The following DIAPH1 variants were observed in gnomAD, a reference collection of about 807,000 sequenced individuals.
DIAPH1 encodes the protein diaphanous related formin 1.
In DIAPH1, 46 loss-of-function variants were observed where a neutral mutation model predicts 140.7. That is an observed-to-expected ratio of 0.33 (90% CI 0.26 to 0.42). The LOEUF is 0.42. Ranked by LOEUF, DIAPH1 falls within the 10% of genes least tolerant of loss-of-function variation. The pLI is 1.00. For missense variants in DIAPH1, 1,310 were observed against 1,558.7 expected, an observed-to-expected ratio of 0.84 and a Z score of 2.69; for synonymous variants, 565 against 551.6, an observed-to-expected ratio of 1.02 and a Z score of -0.34.
chr5:141,523,661 A>G (rs1315152976), intron 27 of DIAPH1, among the ~76,000 whole-genome samples: 2 of 151,724 alleles, frequency 1.3e-5, no homozygotes, highest in Non-Finnish European at 2.9e-5. Flanking sequence ...ATATTTTTCT[A>G]TCTGGGAATA....
chr5:141,547,422 G>A (rs904308051), intron 18 of DIAPH1, among the ~76,000 whole-genome samples: 4 of 151,908 alleles, frequency 2.6e-5, no homozygotes, highest in East Asian at 1.9e-4. Context: ...CCAAGATCGC[G>A]GCACTGCACT....
At chr5:141,597,342 G>A (rs1299749834) in intron 1 of DIAPH1, among the ~76,000 whole-genome samples, 1 of 152,256 alleles carries the variant, frequency 6.6e-6, no homozygotes, top group African/African-American at 2.4e-5. Context: ...CAACAGCTGG[G>A]TGGCAATGGA....
rs2099885529 is a variant in DIAPH1, at chr5:141,515,363, G to C, written c.*1488C>G. ...CTCCTGGCAATAAGGCCTCACTATA[G>C]TTGCCCTCATGCTTCCTAAGCTCTC... On this transcript the variant is annotated 3_prime_UTR_variant, in exon 28 of 28. Transcript: ENST00000389054. 6.6e-6 allele frequency: 1 copy of C among 152,254 alleles called. No homozygotes were observed. The highest frequency in any genetic ancestry group is 2.1e-4 in the South Asian group (1 of 4,834). The allele number at this position is 152,254 out of a possible 1,614,324, so 9.4% of individuals were successfully genotyped here.
chr5:141,617,960 T>C (rs972621821), intron 1 of DIAPH1, among the ~76,000 whole-genome samples: 4 of 152,220 alleles, frequency 2.6e-5, no homozygotes, highest in African/African-American at 9.6e-5. Flanking sequence ...ACGGTTATCA[T>C]GGGAAATGTA....
chr5:141,575,520 G>A (rs1420115512), intron 14 of DIAPH1, among the ~76,000 whole-genome samples: 1 of 151,996 alleles, frequency 6.6e-6, no homozygotes, highest in Non-Finnish European at 1.5e-5. Flanking sequence ...ATGGTGGTGG[G>A]CACCTGTAAT....
In DIAPH1 at chr5:141,516,912, T is replaced by C. The variant is rs748341361; in HGVS notation, c.3758A>G (p.Asn1253Ser). The C allele has an allele frequency of 5.6e-6, 9 of 1,614,116 alleles. No homozygotes were observed. The African/African-American group carries it at 1.2e-4, about 22-fold the overall frequency. Residue 1253 changes from asparagine to serine, a missense_variant, in exon 28 of 28, where the codon AAC (asparagine) becomes AGC (serine). This residue lies in a region of DIAPH1 where 344 missense variants were observed against 512.2 expected (regional missense o/e 0.67). Coordinates refer to ENST00000389054, the MANE Select transcript of DIAPH1 (RefSeq NM_005219.5). Reference sequence around the variant, plus strand: ...AAGGATTGTGGGGAATGTCTCACTGTTCTTGGACACCTTGGCAGGAACAGC... The same window carrying C: ...AAGGATTGTGGGGAATGTCTCACTGCTCTTGGACACCTTGGCAGGAACAGC... ...MAAVPAKVSK[N>S]SETFPTILEE...
intron 1 of DIAPH1, among the ~76,000 whole-genome samples, chr5:141,589,939 C>T (rs1259777045): frequency 1.3e-5 from 2 of 151,404 alleles, no homozygotes; most frequent in East Asian, 1.9e-4. Context: ...TTTAAAGAGA[C>T]GGGGTCTCCC....
chr5:141,587,256 C>T (rs373244308), intron 2 of DIAPH1, 59 bp from the exon 3 acceptor site: 3 of 1,578,488 alleles, frequency 1.9e-6, no homozygotes, highest in East Asian at 2.3e-5. Context: ...ACAAGCCACA[C>T]ATCAAATTCT....
intron 1 of DIAPH1, among the ~76,000 whole-genome samples, chr5:141,611,618 AAAGG>A (rs937455704): frequency 1.3e-5 from 2 of 152,208 alleles, no homozygotes. Flanking sequence ...CAAAAGACAG[AAAGG>A]AAGGAAGGAA....
intron 1 of DIAPH1, among the ~76,000 whole-genome samples, chr5:141,595,370 G>A (rs750243045): frequency 9.2e-5 from 14 of 152,168 alleles, no homozygotes; most frequent in Non-Finnish European, 1.8e-4. Flanking sequence ...AATGTACCAC[G>A]CTAGTGGGGG....
chr5:141,525,700 G>A (rs1183243783), intron 26 of DIAPH1, among the ~76,000 whole-genome samples: 1 of 152,116 alleles, frequency 6.6e-6, no homozygotes, highest in African/African-American at 2.4e-5. Context: ...AAAAAAACCC[G>A]AAAGATTTAG....
In DIAPH1 at chr5:141,580,827, G is replaced by A; in HGVS notation, c.741C>T (p.Ala247=). 6.2e-7 allele frequency: 1 copy of A among 1,614,170 alleles called. No individual in the cohort carries two copies. The highest frequency in any genetic ancestry group is 8.5e-7 in the Non-Finnish European group (1 of 1,180,014). The change falls in exon 8 of 28, where the codon GCC becomes GCT. Residue 247 remains alanine, a synonymous_variant. Coordinates refer to ENST00000389054, the MANE Select transcript of DIAPH1 (RefSeq NM_005219.5). ...TEEGILLLVR[A]MDPAVPNMMI... is the part of the protein sequence containing the mutation. ...TCATGTTGGGAACAGCAGGATCCAT[G>A]GCTCTGACCAGCAGTAGGATTCCTT... is the stretch of plus-strand genomic sequence containing the variant.
chr5:141,591,023 G>A (rs924287407), intron 1 of DIAPH1, among the ~76,000 whole-genome samples: 9 of 151,996 alleles, frequency 5.9e-5, no homozygotes, highest in African/African-American at 2.2e-4. Context: ...ATAACTCTCC[G>A]CTGCCCTATG....
intron 18 of DIAPH1, among the ~76,000 whole-genome samples, chr5:141,553,213 AC>A (rs1158350585): frequency 1.3e-5 from 2 of 151,828 alleles, no homozygotes; most frequent in Non-Finnish European, 2.9e-5. Flanking sequence ...AATTGCTTGA[AC>A]CCAGGAGGTG....
chr5:141,573,996 T>TGGAGGAGGAGGAGGAGGAGGAGGA lies in DIAPH1; in HGVS notation c.1830_1853dup (p.Pro613_Pro620dup). ...TGCAAACACCCCCAGGCAAAGGAGGTGGAGGAGGAGGAGGAGGAGGAGGAG... is the reference window on the plus strand; with the variant it reads ...TGCAAACACCCCCAGGCAAAGGAGGTGGAGGAGGAGGAGGAGGAGGAGGAGGAGGAGGAGGAGGAGGAGGAGGAG... On this transcript the variant is annotated inframe_insertion, in exon 16 of 28. Coordinates refer to ENST00000389054, the MANE Select transcript of DIAPH1 (RefSeq NM_005219.5). 2 of 1,511,490 alleles carry TGGAGGAGGAGGAGGAGGAGGAGGA rather than the reference T, an allele frequency of 1.3e-6. No individual in the cohort carries two copies. The highest frequency in any genetic ancestry group is 1.8e-6 in the Non-Finnish European group (2 of 1,130,568). The allele number at this position is 1,511,490 out of a possible 1,614,324, so 93.6% of individuals were successfully genotyped here. A position where few individuals can be genotyped will look rare whatever the true frequency, so the allele number is the denominator to read the frequency against.
chr5:141,587,336 G>A (rs2099897693), intron 2 of DIAPH1, 139 bp from the exon 3 acceptor site: 3 of 813,616 alleles, frequency 3.7e-6, no homozygotes, highest in South Asian at 3.0e-5. Flanking sequence ...CTTCTGACAT[G>A]AAAAGAAGAA....
At chr5:141,521,162 C>T (rs1189987492) in intron 27 of DIAPH1, among the ~76,000 whole-genome samples, 2 of 152,182 alleles carry the variant, frequency 1.3e-5, no homozygotes, top group Admixed American at 6.5e-5. Flanking sequence ...ATACTAATCA[C>T]TGGAAGTCTT....
chr5:141,543,365 G>A (rs966786676), intron 18 of DIAPH1, among the ~76,000 whole-genome samples: 7 of 152,192 alleles, frequency 4.6e-5, no homozygotes, highest in African/African-American at 7.2e-5. Context: ...GGGTGGAATG[G>A]GAAGTAGGAA....
chr5:141,550,104 A>G (rs1370087209), intron 18 of DIAPH1, among the ~76,000 whole-genome samples: 1 of 152,226 alleles, frequency 6.6e-6, no homozygotes, highest in Non-Finnish European at 1.5e-5. Flanking sequence ...TTAAGGTAAC[A>G]AAAAGCAGTA....
Sources: allele counts gnomAD v4.1 joint callset (sites outside exome capture counted in the v4.1 genomes callset), GRCh38; gene constraint gnomAD v4.1.1; regional missense constraint gnomAD v4.1.1; transcripts MANE v1.5; gene names NCBI Gene and HGNC (gene_info 2026-07-23, HGNC 2026-07-21).